Variants in LRRC8D observed in about 807,000 individuals in gnomAD.
LRRC8D encodes the protein leucine rich repeat containing 8 VRAC subunit D, also known as volume-regulated anion channel subunit LRRC8D.
LRRC8D carries 20 observed loss-of-function variants against 55.8 expected under a neutral mutation model. That is an observed-to-expected ratio of 0.36 (90% CI 0.25 to 0.52). LRRC8D has a LOEUF of 0.52. Among genes scored for constraint, LRRC8D ranks in the 20% least tolerant of loss-of-function variants. The probability of loss-of-function intolerance (pLI) is 0.93; values close to 1 mark genes in which losing one functional copy is unlikely to be tolerated. For synonymous variants in LRRC8D, 352 were observed against 377.0 expected, an observed-to-expected ratio of 0.93 and a Z score of 0.77; for missense variants, 651 against 1,030.8, an observed-to-expected ratio of 0.63 and a Z score of 5.05.
intron 2 of LRRC8D, among the ~76,000 whole-genome samples, chr1:89,851,651 A>G (rs1661420698): frequency 6.6e-6 from 1 of 152,004 alleles, no homozygotes; most frequent in African/African-American, 2.4e-5. Context: ...CTGGGATTAC[A>G]GGTGCACATT....
chr1:89,882,534 C>A (rs75335790), intron 2 of LRRC8D, among the ~76,000 whole-genome samples: 1,718 of 152,278 alleles, frequency 0.011, 38 homozygotes, highest in African/African-American at 0.04. Context: ...AAGGGCTCAT[C>A]CCCTGCCCTC....
At chr1:89,831,944 A>G (rs1157640710) in intron 1 of LRRC8D, among the ~76,000 whole-genome samples, 1 of 152,150 alleles carries the variant, frequency 6.6e-6, no homozygotes, top group Non-Finnish European at 1.5e-5. Flanking sequence ...TAGGAAAAAG[A>G]CGGTTTGGAA....
At chr1:89,856,678 T>C (rs1185478444) in intron 2 of LRRC8D, among the ~76,000 whole-genome samples, 1 of 152,246 alleles carries the variant, frequency 6.6e-6, no homozygotes, top group Non-Finnish European at 1.5e-5. Flanking sequence ...AACCTAAGTC[T>C]TTATATTTAA....
chr1:89,893,255 C>G (rs1422258683), intron 2 of LRRC8D, among the ~76,000 whole-genome samples: 1 of 152,134 alleles, frequency 6.6e-6, no homozygotes, highest in Non-Finnish European at 1.5e-5. Context: ...AATGAACAGT[C>G]CTGCAGAGGG....
intron 1 of LRRC8D, among the ~76,000 whole-genome samples, chr1:89,836,686 C>T (rs1661011337): frequency 6.6e-6 from 1 of 152,194 alleles, no homozygotes; most frequent in Non-Finnish European, 1.5e-5. Flanking sequence ...TTACTTAGTT[C>T]AGTCTTGGCA....
In LRRC8D at chr1:89,934,705, T is replaced by A; in HGVS notation, c.1637T>A (p.Phe546Tyr). The A allele has an allele frequency of 1.1e-5, 18 of 1,614,206 alleles. No individual in the cohort carries two copies. The highest frequency in any genetic ancestry group is 1.5e-5 in the Non-Finnish European group (18 of 1,180,036). ...RDHLRCLHVK[F>Y]TDVAEIPAWV... ...CACTTGAGATGCCTTCACGTGAAGT[T>A]CACTGATGTGGCTGAAATTCCTGCC... The change falls in exon 3 of 3, where the codon TTC becomes TAC. Residue 546 changes from phenylalanine to tyrosine, a missense_variant. This residue lies in a region of LRRC8D where 338 missense variants were observed against 479.4 expected (regional missense o/e 0.71). Coordinates refer to ENST00000337338, the MANE Select transcript of LRRC8D (RefSeq NM_001134479.2). The surrounding 1 kb of genome is among the most constrained non-coding windows in gnomAD (Gnocchi z 5.9).
chr1:89,857,690 G>A (rs1486417724), intron 2 of LRRC8D, among the ~76,000 whole-genome samples: 2 of 152,168 alleles, frequency 1.3e-5, no homozygotes, highest in Non-Finnish European at 2.9e-5. Flanking sequence ...TTTTAAGCTT[G>A]CATTGGAAAG....
intron 2 of LRRC8D, among the ~76,000 whole-genome samples, chr1:89,905,494 C>T (rs778097077): frequency 1.3e-5 from 2 of 152,174 alleles, no homozygotes; most frequent in Non-Finnish European, 2.9e-5. Flanking sequence ...GCAAGGAAAA[C>T]TACCCACTAT....
Position 89,902,637 on chromosome 1 carries a change from C to T in LRRC8D, c.-2-30430C>T, listed in dbSNP as rs1025478379. On this transcript the variant is annotated intron_variant, in intron 2 of 2. Transcript: ENST00000337338. ...CTGCAAGCTCCGCCTCCTAGGTCCA[C>T]GCCATTCTCCTGCCTCAGCCTCCCG... 5.9e-5 allele frequency among the ~76,000 whole-genome samples: 9 copies of T among 151,834 alleles called. No homozygotes were observed. The East Asian group carries it at 1.4e-3, about 23-fold the overall frequency.
chr1:89,882,756 T>C (rs891825253), intron 2 of LRRC8D, among the ~76,000 whole-genome samples: 4 of 152,220 alleles, frequency 2.6e-5, no homozygotes, highest in Non-Finnish European at 2.9e-5. Flanking sequence ...GACATGTTGC[T>C]ATAATAGAGA....
Position 89,933,009 on chromosome 1 carries a change from C to T in LRRC8D, c.-2-58C>T, listed in dbSNP as rs975134183. 1.3e-6 allele frequency: 2 copies of T among 1,498,124 alleles called. No individual in the cohort carries two copies. The highest frequency in any genetic ancestry group is 4.6e-5 in the East Asian group (2 of 43,922). 92.8% of individuals were successfully genotyped at this position (1,498,124 alleles called of 1,614,324 possible). A position where few individuals can be genotyped will look rare whatever the true frequency, so the allele number is the denominator to read the frequency against. On this transcript the variant is annotated intron_variant, in intron 2 of 2. Transcript: ENST00000337338. This position sits in a 1 kb window ranked among gnomAD's most constrained non-coding sequence, Gnocchi z 7.0. ...TTAGGAGCAGGCATAGGGTTTTTCT[C>T]ATTTACTCTTTTCATTTGCATCTCT...
intron 2 of LRRC8D, among the ~76,000 whole-genome samples, chr1:89,886,234 C>T (rs1225367846): frequency 7.9e-5 from 12 of 152,304 alleles, no homozygotes; most frequent in South Asian, 2.1e-4. Flanking sequence ...CATTTAGTCT[C>T]TGAAGAGTGA....
At chr1:89,830,963 T>G (rs1660872047) in intron 1 of LRRC8D, among the ~76,000 whole-genome samples, 1 of 149,610 alleles carries the variant, frequency 6.7e-6, no homozygotes. Context: ...TGGAGTGCAG[T>G]GCTGTGATCT....
chr1:89,837,047 T>C (rs545462007), intron 1 of LRRC8D, among the ~76,000 whole-genome samples: 1 of 152,198 alleles, frequency 6.6e-6, no homozygotes, highest in Non-Finnish European at 1.5e-5. Flanking sequence ...TGATTTAGGA[T>C]CCTGATTTCA....
intron 1 of LRRC8D, among the ~76,000 whole-genome samples, chr1:89,840,083 G>C (rs1403974254): frequency 1.3e-5 from 2 of 152,192 alleles, no homozygotes; most frequent in Non-Finnish European, 2.9e-5. Flanking sequence ...GGTACTTAGG[G>C]AGTGGAGACT....
intron 1 of LRRC8D, among the ~76,000 whole-genome samples, chr1:89,823,360 G>A (rs1378002302): frequency 1.3e-5 from 2 of 151,922 alleles, no homozygotes; most frequent in African/African-American, 4.8e-5. Flanking sequence ...AAAGAAAAAA[G>A]AAAAAAACTA....
intron 1 of LRRC8D, among the ~76,000 whole-genome samples, chr1:89,826,216 A>C (rs952471565): frequency 6.6e-6 from 1 of 152,018 alleles, no homozygotes; most frequent in Non-Finnish European, 1.5e-5. Context: ...AATAGAAAGA[A>C]TATTATAGCT....
Position 89,934,609 on chromosome 1 carries a change from A to G in LRRC8D, c.1541A>G (p.Asn514Ser), listed in dbSNP as rs1233080127. 5.0e-6 allele frequency: 8 copies of G among 1,614,126 alleles called. No homozygotes were observed. In the South Asian group the frequency reaches 6.6e-5, roughly 13 times the overall value. Reference protein sequence around the residue: ...KIPAKISQMTNLQELHLCHCP... With the variant: ...KIPAKISQMTSLQELHLCHCP... ...CCTGCTAAGATTTCTCAAATGACTAACCTCCAAGAGCTCCACCTCTGCCAC... is the reference window on the plus strand; with the variant it reads ...CCTGCTAAGATTTCTCAAATGACTAGCCTCCAAGAGCTCCACCTCTGCCAC... The change falls in exon 3 of 3, where the codon AAC (asparagine) becomes AGC (serine). Residue 514 changes from asparagine to serine, a missense_variant. Coordinates refer to ENST00000337338, the MANE Select transcript of LRRC8D (RefSeq NM_001134479.2). This position sits in a 1 kb window ranked among gnomAD's most constrained non-coding sequence, Gnocchi z 5.9.
intron 2 of LRRC8D, among the ~76,000 whole-genome samples, chr1:89,927,454 T>A (rs556316052): frequency 5.3e-5 from 8 of 152,350 alleles, no homozygotes; most frequent in African/African-American, 1.9e-4. Flanking sequence ...TGATAGGCAT[T>A]TGGATAGCTT....
Sources: gnomAD v4.1 joint callset for allele counts (sites outside exome capture counted in the v4.1 genomes callset) on GRCh38, gnomAD v4.1.1 for gene constraint, gnomAD v4.1.1 regional missense constraint, Gnocchi (gnomAD v3.1) non-coding constraint, MANE v1.5 for transcripts, NCBI Gene and HGNC (gene_info 2026-07-23, HGNC 2026-07-21) for gene names.